The following PTPRT variants were observed in gnomAD, a reference collection of about 807,000 sequenced individuals.
The protein encoded by PTPRT is receptor-type tyrosine-protein phosphatase T.
PTPRT carries 56 observed loss-of-function variants against 176.8 expected under a neutral mutation model. The ratio of observed to expected loss-of-function variants is 0.32; its 90% CI spans 0.26 to 0.40. PTPRT has a LOEUF of 0.40. Among genes scored for constraint, PTPRT ranks in the 10% least tolerant of loss-of-function variants. The pLI is 1.00. For synonymous variants in PTPRT, 783 were observed against 739.0 expected (o/e 1.06, Z -0.96); for missense variants, 1,540 against 1,908.2 (o/e 0.81, Z 3.60).
At chr20:42,967,820 C>T (rs1982388211) in intron 1 of PTPRT, among the ~76,000 whole-genome samples, 1 of 152,048 alleles carries the variant, frequency 6.6e-6, no homozygotes, top group Admixed American at 6.5e-5. Flanking sequence ...CAAGCCCACC[C>T]CCGCTACCAG....
chr20:42,573,660 T>C (rs1293324512), intron 7 of PTPRT, among the ~76,000 whole-genome samples: 2 of 151,958 alleles, frequency 1.3e-5, no homozygotes, highest in East Asian at 1.9e-4. Context: ...TCCACACTTA[T>C]CAGAGCAGGT....
chr20:43,029,816 C>T (rs946758770), intron 1 of PTPRT, among the ~76,000 whole-genome samples: 1 of 152,190 alleles, frequency 6.6e-6, no homozygotes, highest in East Asian at 1.9e-4. Context: ...TAAATGCAGA[C>T]AGTCATGTGT....
chr20:43,083,098 T>G (rs1038247439), intron 1 of PTPRT, among the ~76,000 whole-genome samples: 1 of 151,854 alleles, frequency 6.6e-6, no homozygotes, highest in African/African-American at 2.4e-5. Context: ...CCCTCTTCCC[T>G]GGCAATACTC....
chr20:42,903,558 G>A (rs1195441818), intron 1 of PTPRT, among the ~76,000 whole-genome samples: 1 of 152,064 alleles, frequency 6.6e-6, no homozygotes, highest in Non-Finnish European at 1.5e-5. Flanking sequence ...TATTATTGCG[G>A]TCTGAGTATT....
At chr20:42,593,483 C>A (rs553077935) in intron 7 of PTPRT, among the ~76,000 whole-genome samples, 6 of 152,288 alleles carry the variant, frequency 3.9e-5, no homozygotes, top group Admixed American at 2.0e-4. Context: ...ACTGTGATGT[C>A]ATGTAGCTTA....
rs41310016 is a variant in PTPRT, at chr20:42,115,305, A to G, written c.2993T>C (p.Val998Ala). The change falls in exon 22 of 31, where the codon GTG becomes GCG. Residue 998 changes from valine to alanine, a missense_variant. This residue lies in a region of PTPRT where 248 missense variants were observed against 356.7 expected (regional missense o/e 0.70). Coordinates refer to ENST00000373187, the MANE Select transcript of PTPRT (RefSeq NM_007050.6). Reference sequence around the variant, plus strand: ...CTCCGTGTCATCTGGCCAGTATCGCACACATTTCACCTGTGGCCAAGTGAG... The same window carrying G: ...CTCCGTGTCATCTGGCCAGTATCGCGCACATTTCACCTGTGGCCAAGTGAG... ...NLVEVGRVKC[V>A]RYWPDDTEVY... is the part of the protein sequence containing the mutation. The G allele has an allele frequency of 4.1e-3, 6,639 of 1,613,660 alleles. 29 individuals carry two copies. The highest frequency in any genetic ancestry group is 4.4e-3 in the Non-Finnish European group (5,184 of 1,179,580).
At chr20:42,357,824 G>A (rs2058378680) in intron 9 of PTPRT, among the ~76,000 whole-genome samples, 5 of 152,160 alleles carry the variant, frequency 3.3e-5, no homozygotes, top group Admixed American at 3.3e-4. Context: ...TGAGGCAGGA[G>A]GATCACTTGA....
chr20:42,434,075 A>T (rs2059239590), intron 9 of PTPRT, among the ~76,000 whole-genome samples: 1 of 152,166 alleles, frequency 6.6e-6, no homozygotes, highest in African/African-American at 2.4e-5. Context: ...TGAAAATTAA[A>T]AAAAAAAAGT....
intron 9 of PTPRT, among the ~76,000 whole-genome samples, chr20:42,438,203 C>T (rs1340606459): frequency 2.6e-5 from 4 of 152,234 alleles, no homozygotes; most frequent in Non-Finnish European, 4.4e-5. Context: ...AAATGCAGAA[C>T]TCACTCTTCA....
intron 13 of PTPRT, among the ~76,000 whole-genome samples, chr20:42,254,389 A>C (rs1431422511): frequency 6.6e-6 from 1 of 152,226 alleles, no homozygotes; most frequent in Non-Finnish European, 1.5e-5. Flanking sequence ...CAGCAGCTGC[A>C]TTGTAACAAG....
Position 42,885,982 on chromosome 20 carries a change from G to C in PTPRT, c.89-50C>G, listed in dbSNP as rs138071318. On this transcript the variant is annotated intron_variant, in intron 1 of 30. Coordinates refer to ENST00000373187, the MANE Select transcript of PTPRT (RefSeq NM_007050.6). ...AATACATTCCCGTGTCTGAGGCTTG[G>C]TTCGTTACCTCTGTCTCGTCGGCTC... The C allele has an allele frequency of 8.1e-4, 1,207 of 1,495,544 alleles. 9 individuals carry two copies. The African/African-American group carries it at 0.016, about 19-fold the overall frequency. 92.6% of individuals were successfully genotyped at this position (1,495,544 alleles called of 1,614,324 possible).
intron 7 of PTPRT, among the ~76,000 whole-genome samples, chr20:42,575,662 C>T (rs577380716): frequency 1.3e-5 from 2 of 152,296 alleles, no homozygotes; most frequent in South Asian, 2.1e-4. Flanking sequence ...ACCGTTGTAG[C>T]GTGAATGTTC....
chr20:42,140,072 G>C (rs1988552614), intron 18 of PTPRT, among the ~76,000 whole-genome samples: 2 of 152,216 alleles, frequency 1.3e-5, no homozygotes, highest in South Asian at 4.1e-4. Context: ...AAACAGCTAA[G>C]CTAAAACTTC....
At chr20:42,579,878 C>A (rs1382713103) in intron 7 of PTPRT, among the ~76,000 whole-genome samples, 5 of 152,132 alleles carry the variant, frequency 3.3e-5, no homozygotes, top group African/African-American at 1.2e-4. Context: ...ATGGTAGTTT[C>A]TTTTGCTATG....
At chr20:42,726,057 T>TTTATTA (rs59329244) in intron 6 of PTPRT, among the ~76,000 whole-genome samples, 2,916 of 142,242 alleles carry the variant, frequency 0.021, 31 homozygotes, top group South Asian at 0.025. Context: ...TGTGGGCATC[T>TTTATTA]TTATTATTAT....
chr20:42,906,991 C>G (rs1435724390), intron 1 of PTPRT, among the ~76,000 whole-genome samples: 3 of 152,070 alleles, frequency 2.0e-5, no homozygotes, highest in Non-Finnish European at 4.4e-5. Context: ...TGTCACAGGC[C>G]CCCTAATATA....
chr20:42,987,983 G>C (rs371548910), intron 1 of PTPRT, among the ~76,000 whole-genome samples: 8 of 152,278 alleles, frequency 5.3e-5, no homozygotes, highest in East Asian at 3.9e-4. Context: ...CCCACAGACA[G>C]GCCGAGATGG....
intron 16 of PTPRT, among the ~76,000 whole-genome samples, chr20:42,176,857 A>G (rs1174679451): frequency 6.6e-6 from 1 of 152,232 alleles, no homozygotes; most frequent in Non-Finnish European, 1.5e-5. Context: ...TGTGCAACAG[A>G]TGTTTGAAAG....
intron 1 of PTPRT, among the ~76,000 whole-genome samples, chr20:43,016,779 C>T (rs959955719): frequency 1.3e-4 from 20 of 151,862 alleles, no homozygotes; most frequent in South Asian, 2.1e-4. Context: ...TCAAGTGATC[C>T]GCCCACCTCG....
Sources: allele counts gnomAD v4.1 joint callset (sites outside exome capture counted in the v4.1 genomes callset), GRCh38; gene constraint gnomAD v4.1.1; regional missense constraint gnomAD v4.1.1; transcripts MANE v1.5; gene names NCBI Gene and HGNC (gene_info 2026-07-23, HGNC 2026-07-21).